LHFPL3: variants seen among roughly 807,000 people sequenced by gnomAD.
LHFPL3 encodes the protein LHFPL tetraspan subfamily member 3.
Under a neutral mutation model 19.3 loss-of-function variants are expected in LHFPL3, and 5 were observed. That is an observed-to-expected ratio of 0.26 (90% CI 0.14 to 0.54). The LOEUF is 0.54. LHFPL3 is among the 20% of genes least tolerant of loss of function. The pLI, the probability that LHFPL3 is intolerant of heterozygous loss-of-function variation, is 0.94. For synonymous variants in LHFPL3, 133 were observed against 126.2 expected, an observed-to-expected ratio of 1.05 and a Z score of -0.36; for missense variants, 249 against 307.4, an observed-to-expected ratio of 0.81 and a Z score of 1.42.
intron 1 of LHFPL3, among the ~76,000 whole-genome samples, chr7:104,659,093 G>T (rs948296591): frequency 2.0e-5 from 3 of 152,184 alleles, no homozygotes; most frequent in Non-Finnish European, 4.4e-5. Flanking sequence ...GCCTTTGCAT[G>T]TGACCTTCCC....
At chr7:104,618,977 C>T (rs62484575) in intron 1 of LHFPL3, among the ~76,000 whole-genome samples, 23,921 of 152,164 alleles carry the variant, frequency 0.16, 2,458 homozygotes, top group Non-Finnish European at 0.23. Flanking sequence ...TTTATTTATC[C>T]CCTACGTACT....
At chr7:104,596,580 C>T (rs1033182952) in intron 1 of LHFPL3, among the ~76,000 whole-genome samples, 3 of 152,170 alleles carry the variant, frequency 2.0e-5, no homozygotes, top group African/African-American at 7.2e-5. Flanking sequence ...CTGTTCCGGT[C>T]TATCTGTGTG....
chr7:104,717,740 A>C (rs1456885758), intron 1 of LHFPL3, among the ~76,000 whole-genome samples: 1 of 152,168 alleles, frequency 6.6e-6, no homozygotes, highest in Non-Finnish European at 1.5e-5. Context: ...GAAAAACTAT[A>C]TGGCAGTTCC....
chr7:104,700,285 C>T (rs1049070162), intron 1 of LHFPL3, among the ~76,000 whole-genome samples: 1 of 152,208 alleles, frequency 6.6e-6, no homozygotes, highest in Non-Finnish European at 1.5e-5. Flanking sequence ...TTTTTGGCCT[C>T]TCTCTTAGCC....
chr7:104,728,487 A>G (rs1793630345), intron 1 of LHFPL3, among the ~76,000 whole-genome samples: 2 of 152,162 alleles, frequency 1.3e-5, no homozygotes, highest in South Asian at 4.1e-4. Flanking sequence ...TTCCTCAAAC[A>G]CAGCAAGCCT....
At chr7:104,861,464 G>A (rs921676120) in intron 2 of LHFPL3, among the ~76,000 whole-genome samples, 1 of 152,160 alleles carries the variant, frequency 6.6e-6, no homozygotes, top group East Asian at 1.9e-4. Context: ...AGGATAGTTG[G>A]GAGAAGCAGC....
chr7:104,718,054 T>A (rs1793422702), intron 1 of LHFPL3, among the ~76,000 whole-genome samples: 1 of 152,122 alleles, frequency 6.6e-6, no homozygotes, highest in African/African-American at 2.4e-5. Flanking sequence ...AATAAGCCAG[T>A]CACAGAAGGA....
intron 2 of LHFPL3, among the ~76,000 whole-genome samples, chr7:104,808,083 A>G (rs760826333): frequency 3.3e-5 from 5 of 152,124 alleles, no homozygotes; most frequent in Non-Finnish European, 7.4e-5. Flanking sequence ...GATTTAAGTA[A>G]CAGTATTTGA....
At chr7:104,882,421 T>C (rs1353128405) in intron 2 of LHFPL3, among the ~76,000 whole-genome samples, 4 of 152,148 alleles carry the variant, frequency 2.6e-5, no homozygotes, top group Non-Finnish European at 4.4e-5. Flanking sequence ...CTAATTTTTG[T>C]ATTTTTAGTA....
At chr7:104,554,655 A>G (rs1794726060) in intron 1 of LHFPL3, among the ~76,000 whole-genome samples, 1 of 143,476 alleles carries the variant, frequency 7.0e-6, no homozygotes, top group Non-Finnish European at 1.6e-5. Context: ...AGATAGATAG[A>G]TAGATAGATA....
chr7:104,571,559 AG>A (rs1279242690), intron 1 of LHFPL3, among the ~76,000 whole-genome samples: 1 of 152,192 alleles, frequency 6.6e-6, no homozygotes, highest in Admixed American at 6.5e-5. Context: ...AATACTGAAA[AG>A]CAGCTCACTC....
intron 1 of LHFPL3, among the ~76,000 whole-genome samples, chr7:104,572,055 T>C (rs1312695899): frequency 6.6e-6 from 1 of 152,242 alleles, no homozygotes; most frequent in African/African-American, 2.4e-5. Context: ...GTGCAGATTT[T>C]AAGTGAACTA....
chr7:104,883,261 G>A (rs1021435510), intron 2 of LHFPL3, among the ~76,000 whole-genome samples: 4 of 151,968 alleles, frequency 2.6e-5, no homozygotes, highest in East Asian at 3.8e-4. Context: ...ACATTCTAAC[G>A]TTCCCTCATT....
At chr7:104,503,859 C>A (rs1347697326) in intron 1 of LHFPL3, among the ~76,000 whole-genome samples, 1 of 152,232 alleles carries the variant, frequency 6.6e-6, no homozygotes, top group East Asian at 1.9e-4. Context: ...CATGAGCCAC[C>A]ACATGCAGCT....
intron 1 of LHFPL3, among the ~76,000 whole-genome samples, chr7:104,669,872 T>C (rs1039299385): frequency 6.6e-5 from 10 of 152,202 alleles, no homozygotes; most frequent in African/African-American, 2.4e-4. Context: ...CCTAGGGGTC[T>C]CCATTTAGCA....
At chr7:104,758,814 G>T (rs958848994) in intron 2 of LHFPL3, among the ~76,000 whole-genome samples, 8 of 152,012 alleles carry the variant, frequency 5.3e-5, no homozygotes, top group Non-Finnish European at 1.2e-4. Flanking sequence ...AATGCTCTCT[G>T]AGTCTCCCAT....
In LHFPL3 at chr7:104,504,918, C is replaced by G. The variant is rs185104154; in HGVS notation, c.445+175694C>G. Among the ~76,000 whole-genome samples, 5 of 152,290 alleles carry G rather than the reference C, an allele frequency of 3.3e-5. No individual in the cohort carries two copies. In the East Asian group the frequency reaches 5.8e-4, roughly 18 times the overall value. On this transcript the variant is annotated intron_variant, in intron 1 of 2. Transcript: ENST00000424859. ...AGTTGGCTAATCATCAACAGTGGAA[C>G]AGCTGGCCTGATGAAATTTTTTTAG...
chr7:104,709,904 C>T (rs1005844275), intron 1 of LHFPL3, among the ~76,000 whole-genome samples: 4 of 151,812 alleles, frequency 2.6e-5, no homozygotes, highest in Admixed American at 6.6e-5. Flanking sequence ...AGACGCTCCT[C>T]ACTTCCCAGA....
At chr7:104,830,761 C>T (rs6956920) in intron 2 of LHFPL3, among the ~76,000 whole-genome samples, 150,938 of 151,702 alleles carry the variant, frequency 0.99, 75,104 homozygotes, top group Middle Eastern at 1. Flanking sequence ...TGAAGTCAGG[C>T]AGCGTGATGC....
Sources: allele counts gnomAD v4.1 joint callset (sites outside exome capture counted in the v4.1 genomes callset), GRCh38; gene constraint gnomAD v4.1.1; transcripts MANE v1.5; gene names NCBI Gene and HGNC (gene_info 2026-07-23, HGNC 2026-07-21).